Variants in GALNT17 observed in about 807,000 individuals in gnomAD.
The protein encoded by GALNT17 is UDP-GalNAc:polypeptide N-acetylgalactosaminyltransferase-like 3.
In GALNT17, 29 loss-of-function variants were observed where a neutral mutation model predicts 63.7. The ratio of observed to expected loss-of-function variants is 0.46; its 90% CI spans 0.34 to 0.62. The LOEUF (loss-of-function observed/expected upper bound fraction) is 0.62. GALNT17 is among the 20% of genes least tolerant of loss of function. The pLI, the probability that GALNT17 is intolerant of heterozygous loss-of-function variation, is 0.01. For missense variants in GALNT17, 603 were observed against 799.6 expected (o/e 0.75, Z 2.97); for synonymous variants, 305 against 318.3 (o/e 0.96, Z 0.45).
chr7:71,495,420 G>A (rs952912564), intron 5 of GALNT17, among the ~76,000 whole-genome samples: 4 of 152,196 alleles, frequency 2.6e-5, no homozygotes, highest in Non-Finnish European at 5.9e-5. Context: ...CTTAATGTGT[G>A]CCAGGCATTG....
chr7:71,425,262 C>T (rs549032348), intron 5 of GALNT17, among the ~76,000 whole-genome samples: 51 of 151,724 alleles, frequency 3.4e-4, no homozygotes, highest in African/African-American at 1.2e-3. Context: ...CTAGCTCTGT[C>T]GCCCAGGCTG....
chr7:71,672,021 C>A, intron 8 of GALNT17, among the ~76,000 whole-genome samples: 1 of 73,840 alleles, frequency 1.4e-5, no homozygotes, highest in African/African-American at 4.8e-5. Flanking sequence ...GAGTGAGACT[C>A]TGTCTCAAAA....
intron 1 of GALNT17, among the ~76,000 whole-genome samples, chr7:71,247,209 A>G (rs933975478): frequency 6.6e-6 from 1 of 152,262 alleles, no homozygotes; most frequent in East Asian, 1.9e-4. Flanking sequence ...TTGTGTTAGT[A>G]TTTATCTTGA....
At chr7:71,417,596 C>T (rs1400161838) in intron 4 of GALNT17, among the ~76,000 whole-genome samples, 8 of 152,134 alleles carry the variant, frequency 5.3e-5, no homozygotes, top group African/African-American at 1.4e-4. Context: ...AATCAGAAGC[C>T]GTGCAGGTGA....
In GALNT17 at chr7:71,421,008, G is replaced by A. The variant is rs866308070; in HGVS notation, c.865G>A (p.Glu289Lys). Residue 289 changes from glutamate to lysine, a missense_variant, in exon 5 of 11, where the codon GAG (glutamate) becomes AAG (lysine). By Grantham distance (56) the Glu-to-Lys change is moderately conservative. Around this residue, in one of 3 missense-constraint regions of GALNT17, gnomAD observed 336 missense variants for 507.8 expected, o/e 0.66. Coordinates refer to ENST00000333538, the MANE Select transcript of GALNT17 (RefSeq NM_022479.3). ...GGACAACTTTGAGGTGCAGCGGTACGAGAACTCGGCCCACGGGTACAGCTG... is the reference window on the plus strand; with the variant it reads ...GGACAACTTTGAGGTGCAGCGGTACAAGAACTCGGCCCACGGGTACAGCTG... ...KQDNFEVQRY[E>K]NSAHGYSWEL... is the part of the protein sequence containing the mutation. 2.5e-6 allele frequency: 4 copies of A among 1,614,162 alleles called. No individual in the cohort carries two copies. Among genetic ancestry groups the A allele is most frequent in the East Asian group, 2.2e-5 (1 of 44,878 alleles).
chr7:71,412,518 G>A (rs1349495739), intron 3 of GALNT17, among the ~76,000 whole-genome samples: 1 of 152,012 alleles, frequency 6.6e-6, no homozygotes, highest in African/African-American at 2.4e-5. Context: ...GATTACATAT[G>A]CCCGCCACCA....
chr7:71,621,823 T>G (rs1428569933), intron 6 of GALNT17, among the ~76,000 whole-genome samples: 1 of 152,186 alleles, frequency 6.6e-6, no homozygotes, highest in Non-Finnish European at 1.5e-5. Context: ...TCCAGATTGG[T>G]CACATACTGT....
intron 2 of GALNT17, among the ~76,000 whole-genome samples, chr7:71,381,241 G>A (rs558685747): frequency 2.6e-5 from 4 of 152,106 alleles, no homozygotes; most frequent in South Asian, 2.1e-4. Context: ...GATTCCAGGC[G>A]TGAGCCACCA....
intron 6 of GALNT17, among the ~76,000 whole-genome samples, chr7:71,583,242 A>C (rs1002890929): frequency 5.3e-5 from 8 of 152,172 alleles, no homozygotes; most frequent in East Asian, 1.9e-4. Context: ...CCACAGGGGC[A>C]CACCACCACG....
chr7:71,190,847 T>C (rs1788938524), intron 1 of GALNT17, among the ~76,000 whole-genome samples: 1 of 151,938 alleles, frequency 6.6e-6, no homozygotes, highest in Admixed American at 6.6e-5. Context: ...CCCAGGCTGG[T>C]CTCAAACTCC....
intron 1 of GALNT17, among the ~76,000 whole-genome samples, chr7:71,155,170 A>G (rs1045686875): frequency 4.0e-5 from 6 of 151,836 alleles, no homozygotes; most frequent in African/African-American, 7.3e-5. Context: ...GTTATCTGAC[A>G]TTGCTCATCA....
At chr7:71,417,614 C>A (rs983043959) in intron 4 of GALNT17, among the ~76,000 whole-genome samples, 40 of 152,170 alleles carry the variant, frequency 2.6e-4, no homozygotes, top group African/African-American at 9.2e-4. Context: ...TGAGATCCAG[C>A]GATCTGTTGT....
intron 1 of GALNT17, among the ~76,000 whole-genome samples, chr7:71,187,237 G>T (rs1186601405): frequency 3.3e-5 from 5 of 151,974 alleles, no homozygotes; most frequent in Admixed American, 6.6e-5. Context: ...AGCCTCCTGA[G>T]TAGCTGGGAC....
At chr7:71,371,294 A>G (rs1018401037) in intron 2 of GALNT17, among the ~76,000 whole-genome samples, 7 of 152,228 alleles carry the variant, frequency 4.6e-5, no homozygotes, top group African/African-American at 1.7e-4. Flanking sequence ...TATGATAAAA[A>G]AAGAACAGAA....
intron 6 of GALNT17, among the ~76,000 whole-genome samples, chr7:71,589,239 G>A (rs1789763507): frequency 1.3e-5 from 2 of 152,174 alleles, no homozygotes; most frequent in Admixed American, 1.3e-4. Flanking sequence ...TTGAGAATGA[G>A]TTCACACAAA....
intron 1 of GALNT17, among the ~76,000 whole-genome samples, chr7:71,155,547 A>G (rs1172363647): frequency 6.6e-6 from 1 of 151,780 alleles, no homozygotes; most frequent in Non-Finnish European, 1.5e-5. Context: ...GTGCTGGATT[A>G]CAGGTGTGAG....
intron 5 of GALNT17, among the ~76,000 whole-genome samples, chr7:71,423,462 A>AGGGAGAGGC (rs1464425737): frequency 5.9e-5 from 9 of 152,184 alleles, no homozygotes; most frequent in East Asian, 5.8e-4. Flanking sequence ...TGTCTTAAGT[A>AGGGAGAGGC]GGGAGAGGCA....
intron 5 of GALNT17, among the ~76,000 whole-genome samples, chr7:71,552,427 C>T (rs186866698): frequency 2.7e-5 from 4 of 148,106 alleles, no homozygotes; most frequent in Non-Finnish European, 4.5e-5. Flanking sequence ...CAGTAGGTAC[C>T]GTGCCTGGCT....
intron 1 of GALNT17, among the ~76,000 whole-genome samples, chr7:71,232,394 C>T (rs985433580): frequency 5.3e-5 from 8 of 152,134 alleles, no homozygotes; most frequent in African/African-American, 1.9e-4. Flanking sequence ...ACATGCTCTA[C>T]TGCCACTGAC....
Sources: gnomAD v4.1 joint callset for allele counts (sites outside exome capture counted in the v4.1 genomes callset) on GRCh38, gnomAD v4.1.1 for gene constraint, gnomAD v4.1.1 regional missense constraint, MANE v1.5 for transcripts, NCBI Gene and HGNC (gene_info 2026-07-23, HGNC 2026-07-21) for gene names.